YES1: variants seen among roughly 807,000 people sequenced by gnomAD.
YES1 encodes tyrosine-protein kinase Yes.
Under a neutral mutation model 70.4 loss-of-function variants are expected in YES1, and 39 were observed. The observed-to-expected ratio is 0.55, with a 90% CI of 0.43 to 0.72. The LOEUF (loss-of-function observed/expected upper bound fraction) is 0.72. Ranked by LOEUF, YES1 falls within the 30% of genes least tolerant of loss-of-function variation. The pLI, the probability that YES1 is intolerant of heterozygous loss-of-function variation, is 0.00. For missense variants in YES1, 495 were observed against 644.8 expected (o/e 0.77, Z 2.52); for synonymous variants, 198 against 218.6 (o/e 0.91, Z 0.83).
chr18:795,645 T>C (rs780044402), intron 1 of YES1, among the ~76,000 whole-genome samples: 2 of 147,660 alleles, frequency 1.4e-5, no homozygotes, highest in Non-Finnish European at 3.0e-5. Flanking sequence ...CTCAGCAAAC[T>C]AACACAGGAA....
chr18:764,107 G>A (rs113970832), intron 1 of YES1, among the ~76,000 whole-genome samples: 7,594 of 125,496 alleles, frequency 0.061, 281 homozygotes, highest in East Asian at 0.13. Context: ...GCGACAGAGC[G>A]AGACTCCCTC....
intron 1 of YES1, among the ~76,000 whole-genome samples, chr18:792,860 A>AGG (rs11356301): frequency 1.3e-5 from 2 of 150,988 alleles, no homozygotes; most frequent in South Asian, 2.1e-4. Flanking sequence ...ATAAAAGCCA[A>AGG]GGGGGGGGAA....
intron 3 of YES1, 41 bp from the exon 4 acceptor site, chr18:748,059 T>C (rs776558661): frequency 6.4e-7 from 1 of 1,554,060 alleles, no homozygotes; most frequent in Non-Finnish European, 8.9e-7. Flanking sequence ...GGTAGACTAT[T>C]GCCCAAGGTA....
At chr18:779,727 C>T (rs1339400263) in intron 1 of YES1, among the ~76,000 whole-genome samples, 3 of 152,180 alleles carry the variant, frequency 2.0e-5, no homozygotes, top group Non-Finnish European at 2.9e-5. Context: ...CAGATTTTCA[C>T]ACCTTACTTC....
In YES1 at chr18:756,678, T is replaced by C. The variant is rs765607693; in HGVS notation, c.150A>G (p.Thr50=). The C allele has an allele frequency of 1.2e-6, 2 of 1,614,244 alleles. No homozygotes were observed. The highest frequency in any genetic ancestry group is 1.7e-5 in the Admixed American group (1 of 60,024). Residue 50 remains threonine (T), a synonymous_variant, in exon 2 of 12, where the codon ACA becomes ACG. Transcript: ENST00000314574. ...TGGAAAGACTGCTGAAATTAACTGCTGTTCCCTTTGCTGAAGATGACGGAC... is the reference window on the plus strand; with the variant it reads ...TGGAAAGACTGCTGAAATTAACTGCCGTTCCCTTTGCTGAAGATGACGGAC... ...SPCPSSSAKG[T]AVNFSSLSMT...
intron 10 of YES1, chr18:736,505 A>G: frequency 4.7e-6 from 1 of 212,356 alleles, no homozygotes; most frequent in Non-Finnish European, 9.4e-6. Context: ...ATCTCCTCTG[A>G]CTGAGAACCT....
At chr18:768,752 G>T (rs989285226) in intron 1 of YES1, among the ~76,000 whole-genome samples, 3 of 151,994 alleles carry the variant, frequency 2.0e-5, no homozygotes, top group Non-Finnish European at 4.4e-5. Context: ...ACCCAGCCTG[G>T]AGTGCAGTGG....
chr18:789,526 T>C (rs1906133171), intron 1 of YES1, among the ~76,000 whole-genome samples: 1 of 152,086 alleles, frequency 6.6e-6, no homozygotes, highest in African/African-American at 2.4e-5. Flanking sequence ...AAGGCTGCAA[T>C]GAATGGTGAC....
Position 756,656 on chromosome 18 carries a change from A to G in YES1, c.172T>C (p.Ser58Pro), listed in dbSNP as rs541013973. ...KGTAVNFSSL[S>P]MTPFGGSSGV... ...GAGGATCCTCCAAATGGTGTCATGG[A>G]AAGACTGCTGAAATTAACTGCTGTT... Residue 58 changes from serine to proline, a missense_variant, in exon 2 of 12, where the codon TCC (serine) becomes CCC (proline). Ser to Pro is a moderately conservative substitution (Grantham distance 74). This residue lies in a region of YES1 where 110 missense variants were observed against 104.0 expected (regional missense o/e 1.06). Coordinates refer to ENST00000314574, the MANE Select transcript of YES1 (RefSeq NM_005433.4). 9.9e-5 allele frequency: 159 copies of G among 1,614,184 alleles called. No homozygotes were observed. Among genetic ancestry groups the G allele is most frequent in the Non-Finnish European group, 1.2e-4 (136 of 1,180,026 alleles).
At chr18:749,172 GAAACA>G (rs1320223513) in intron 3 of YES1, among the ~76,000 whole-genome samples, 2 of 150,162 alleles carry the variant, frequency 1.3e-5, no homozygotes, top group Non-Finnish European at 3.0e-5. Flanking sequence ...AAAAAACAAA[GAAACA>G]AAACAAAACA....
chr18:736,996 C>T (rs370834164), intron 9 of YES1, 35 bp from the exon 10 acceptor site: 156 of 1,547,296 alleles, frequency 1.0e-4, no homozygotes, highest in African/African-American at 9.7e-4. Flanking sequence ...ACAAGACATA[C>T]GATACAAAGG....
At position 736,716 on chromosome 18, in the gene YES1, A is replaced by C. The variant is rs1457676910; in HGVS notation, c.1291+92T>G. The C allele has an allele frequency of 2.7e-6, 4 of 1,491,212 alleles. No individual in the cohort carries two copies. The African/African-American group carries it at 4.2e-5, about 16-fold the overall frequency. The allele number at this position is 1,491,212 out of a possible 1,614,324, so 92.4% of individuals were successfully genotyped here. On this transcript the variant is annotated intron_variant, in intron 10 of 11. Coordinates refer to ENST00000314574, the MANE Select transcript of YES1 (RefSeq NM_005433.4). ...TCTATGACTCTTCTGAGGGAAGCTA[A>C]AACAATTCTTATTCTGGAAAACCCT...
At chr18:797,569 G>A (rs982476466) in intron 1 of YES1, among the ~76,000 whole-genome samples, 1 of 152,128 alleles carries the variant, frequency 6.6e-6, no homozygotes, top group Non-Finnish European at 1.5e-5. Flanking sequence ...CACTGACAAT[G>A]ACCTATATGC....
chr18:795,041 C>T (rs951748227), intron 1 of YES1, among the ~76,000 whole-genome samples: 4 of 152,154 alleles, frequency 2.6e-5, no homozygotes, highest in Admixed American at 2.6e-4. Context: ...TCTCAATCTA[C>T]TGATCTCGTG....
At chr18:751,017 G>A (rs969003149) in intron 3 of YES1, among the ~76,000 whole-genome samples, 20 of 152,198 alleles carry the variant, frequency 1.3e-4, no homozygotes, top group Middle Eastern at 3.4e-3. Context: ...CTTTTATCTT[G>A]ATGGCAAGTG....
At chr18:809,773 AAC>A (rs753880159) in intron 1 of YES1, among the ~76,000 whole-genome samples, 53 of 151,906 alleles carry the variant, frequency 3.5e-4, no homozygotes, top group Admixed American at 2.0e-3. Flanking sequence ...TTAAAAAAAC[AAC>A]AACAAATTCA....
At chr18:738,322 A>G (rs2080176461) in intron 9 of YES1, 1 of 152,188 alleles carries the variant, frequency 6.6e-6, no homozygotes, top group Non-Finnish European at 1.5e-5. Context: ...TTTAAAACAA[A>G]AAGTCAGAAG....
intron 5 of YES1, 43 bp downstream of exon 5, chr18:745,905 C>T (rs979358962): frequency 1.2e-6 from 2 of 1,603,104 alleles, no homozygotes; most frequent in Non-Finnish European, 1.7e-6. Context: ...AAAATACTGC[C>T]CCAAGAAATT....
intron 11 of YES1, among the ~76,000 whole-genome samples, chr18:726,674 G>A (rs1326194297): frequency 3.4e-5 from 5 of 147,762 alleles, no homozygotes; most frequent in East Asian, 2.0e-4. Context: ...CCAGCTACTC[G>A]GGAGGCTGAG....
Sources: gnomAD v4.1 joint callset for allele counts (sites outside exome capture counted in the v4.1 genomes callset) on GRCh38, gnomAD v4.1.1 for gene constraint, gnomAD v4.1.1 regional missense constraint, MANE v1.5 for transcripts, NCBI Gene and HGNC (gene_info 2026-07-23, HGNC 2026-07-21) for gene names.